The following ZNF678 variants were observed in gnomAD, a reference collection of about 807,000 sequenced individuals.
The protein encoded by ZNF678 is zinc finger protein 678.
A neutral mutation model predicts 3.0 loss-of-function variants in ZNF678; 5 were observed. The ratio of observed to expected loss-of-function variants is 1.69; its 90% confidence interval spans 0.88 to 3.56. The LOEUF (loss-of-function observed/expected upper bound fraction) is 3.56. Ranked by LOEUF, ZNF678 falls within the 30% of genes most tolerant of loss-of-function variation. The pLI is 0.00. For synonymous variants in ZNF678, 218 were observed against 199.6 expected, an observed-to-expected ratio of 1.09 and a Z score of -0.78; for missense variants, 593 against 605.0, an observed-to-expected ratio of 0.98 and a Z score of 0.21.
At chr1:227,570,278 C>T (rs963080117) in intron 1 of ZNF678, among the ~76,000 whole-genome samples, 3 of 152,100 alleles carry the variant, frequency 2.0e-5, no homozygotes, top group African/African-American at 7.2e-5. Flanking sequence ...TAGTATGATG[C>T]CCTCAGCTTT....
At chr1:227,602,768 T>C (rs1410076596) in intron 1 of ZNF678, among the ~76,000 whole-genome samples, 1 of 152,210 alleles carries the variant, frequency 6.6e-6, no homozygotes, top group Non-Finnish European at 1.5e-5. Context: ...TTAAACCAGG[T>C]GTTAACTTAA....
intron 1 of ZNF678, among the ~76,000 whole-genome samples, chr1:227,583,379 T>C (rs1657182287): frequency 7.0e-6 from 1 of 143,288 alleles, no homozygotes; most frequent in Non-Finnish European, 1.5e-5. Flanking sequence ...TGAGACAGAG[T>C]CTTGCCTTGT....
At chr1:227,601,771 G>T (rs1366891073) in intron 1 of ZNF678, among the ~76,000 whole-genome samples, 2 of 151,966 alleles carry the variant, frequency 1.3e-5, no homozygotes, top group Non-Finnish European at 2.9e-5. Context: ...CACCATGTTG[G>T]TCAGGCTGGT....
Position 227,566,567 on chromosome 1 carries a change from A to G in ZNF678, c.-164+2843A>G, listed in dbSNP as rs75720343. Among the ~76,000 whole-genome samples, 568 of 152,298 alleles carry G rather than the reference A, an allele frequency of 3.7e-3. 3 individuals are homozygous for G. The highest frequency in any genetic ancestry group is 0.013 in the African/African-American group (549 of 41,566). ...GAGGGGTGGGAGAATGTCCCAAATTATAGGATAGCCTGACTTGACGCTTGA... is the reference window on the plus strand; with the variant it reads ...GAGGGGTGGGAGAATGTCCCAAATTGTAGGATAGCCTGACTTGACGCTTGA... On this transcript the variant is annotated intron_variant, in intron 1 of 3. Coordinates refer to ENST00000343776, the MANE Select transcript of ZNF678 (RefSeq NM_001367909.1).
chr1:227,592,599 G>A (rs1456540750), intron 1 of ZNF678, among the ~76,000 whole-genome samples: 2 of 152,334 alleles, frequency 1.3e-5, no homozygotes, highest in East Asian at 3.9e-4. Context: ...AATAGATGTA[G>A]TTTATCTAAT....
At chr1:227,653,488 A>G (rs539595837) in intron 3 of ZNF678, among the ~76,000 whole-genome samples, 4 of 151,826 alleles carry the variant, frequency 2.6e-5, no homozygotes, top group African/African-American at 7.2e-5. Flanking sequence ...TTAATTTTTT[A>G]TTTATTTTGT....
At chr1:227,575,599 C>T (rs1385452264) in intron 1 of ZNF678, among the ~76,000 whole-genome samples, 2 of 152,062 alleles carry the variant, frequency 1.3e-5, no homozygotes, top group Admixed American at 6.6e-5. Flanking sequence ...ATTTTGTATC[C>T]TGAGACTTTA....
intron 1 of ZNF678, among the ~76,000 whole-genome samples, chr1:227,596,537 A>C (rs1290865422): frequency 6.6e-6 from 1 of 152,194 alleles, no homozygotes; most frequent in Non-Finnish European, 1.5e-5. Flanking sequence ...CCACACCCAG[A>C]GCCTGGTGCC....
intron 5 of ZNF678, among the ~76,000 whole-genome samples, chr1:227,669,512 G>C (rs1410070931): frequency 6.6e-6 from 1 of 151,984 alleles, no homozygotes; most frequent in East Asian, 1.9e-4. Context: ...AGCCAGGTGC[G>C]GTGGCGTGCG....
rs931339974 is a variant in ZNF678 at position 227,659,041 on chromosome 1, C to T, written c.*3213C>T. The T allele has an allele frequency of 6.6e-6, 1 of 151,862 alleles. No homozygotes were observed. The highest frequency in any genetic ancestry group is 2.4e-5 in the African/African-American group (1 of 41,378). 9.4% of individuals were successfully genotyped at this position (151,862 alleles called of 1,614,324 possible). ...AGTTTTTTATAAATTACATATAGCA[C>T]AATTTATGTGTACATGTAGAATCTT... On this transcript the variant is annotated 3_prime_UTR_variant, in exon 4 of 4. Coordinates refer to ENST00000343776, the MANE Select transcript of ZNF678 (RefSeq NM_001367909.1).
In ZNF678 at chr1:227,646,646, A is replaced by C. The variant is rs755076453; in HGVS notation, c.-61A>C. ...TTTGTATAGGGATGTGATGTTCGAG[A>C]ACTACAGAAACCTGGTCTCCCTGGG... On this transcript the variant is annotated 5_prime_UTR_variant, in exon 2 of 4. Coordinates refer to ENST00000343776, the MANE Select transcript of ZNF678 (RefSeq NM_001367909.1). The C allele has an allele frequency of 7.3e-7, 1 of 1,372,342 alleles. No homozygotes were observed. Among genetic ancestry groups the C allele is most frequent in the Non-Finnish European group, 9.8e-7 (1 of 1,024,736 alleles). 85.0% of individuals were successfully genotyped at this position (1,372,342 alleles called of 1,614,324 possible).
At position 227,655,977 on chromosome 1, in the gene ZNF678, A is replaced by G; in HGVS notation, c.*149A>G. 1.8e-6 allele frequency: 1 copy of G among 556,358 alleles called. No homozygotes were observed. Among genetic ancestry groups the G allele is most frequent in the Non-Finnish European group, 2.9e-6 (1 of 347,720 alleles). The allele number at this position is 556,358 out of a possible 1,614,324, so 34.5% of individuals were successfully genotyped here. ...AAATTTATAAATATAAAAGATTACA[A>G]TATCTTTATTTCAAAGATCTTCCTG... is the stretch of plus-strand genomic sequence containing the variant. On this transcript the variant is annotated 3_prime_UTR_variant, in exon 4 of 4. Coordinates refer to ENST00000343776, the MANE Select transcript of ZNF678 (RefSeq NM_001367909.1).
Position 227,646,676 on chromosome 1 carries a change from G to A in ZNF678, c.-37+6G>A, listed in dbSNP as rs746754459. 1.1e-5 allele frequency: 15 copies of A among 1,370,578 alleles called. No homozygotes were observed. The highest frequency in any genetic ancestry group is 1.9e-5 in the Admixed American group (1 of 52,326). The allele number at this position is 1,370,578 out of a possible 1,614,324, so 84.9% of individuals were successfully genotyped here. A position where few individuals can be genotyped will look rare whatever the true frequency, so the allele number is the denominator to read the frequency against. ...CAGAAACCTGGTCTCCCTGGGTGAG[G>A]ATAACTTCAATACACAATTTATGTA... On this transcript the variant is annotated splice_donor_region_variant and intron_variant, in intron 2 of 3. Transcript: ENST00000343776.
intron 1 of ZNF678, among the ~76,000 whole-genome samples, chr1:227,610,941 A>G (rs1658001753): frequency 6.6e-6 from 1 of 152,080 alleles, no homozygotes; most frequent in Admixed American, 6.5e-5. Flanking sequence ...GATTACCACA[A>G]CCTCATCAAT....
chr1:227,584,196 T>C (rs904840236), intron 1 of ZNF678, among the ~76,000 whole-genome samples: 1 of 152,218 alleles, frequency 6.6e-6, no homozygotes, highest in African/African-American at 2.4e-5. Flanking sequence ...GAATTATTTG[T>C]TCATTTGTCA....
intron 1 of ZNF678, among the ~76,000 whole-genome samples, chr1:227,587,831 T>C (rs1224737209): frequency 6.6e-6 from 1 of 151,880 alleles, no homozygotes; most frequent in Non-Finnish European, 1.5e-5. Flanking sequence ...TTTTTTTTTT[T>C]TTCAAGACTT....
intron 1 of ZNF678, chr1:227,599,081 G>A: frequency 6.3e-7 from 1 of 1,596,946 alleles, no homozygotes; most frequent in Non-Finnish European, 8.6e-7. Context: ...TGGCCCTGAA[G>A]ACTGGATTGG....
intron 1 of ZNF678, among the ~76,000 whole-genome samples, chr1:227,639,781 GGGT>G (rs1454534019): frequency 6.6e-6 from 1 of 152,178 alleles, no homozygotes; most frequent in African/African-American, 2.4e-5. Context: ...GCCTGAGCTA[GGGT>G]GCAGATACAG....
intron 1 of ZNF678, among the ~76,000 whole-genome samples, chr1:227,620,479 G>A (rs542564421): frequency 1.3e-4 from 20 of 152,222 alleles, no homozygotes; most frequent in African/African-American, 2.6e-4. Flanking sequence ...GTTGTTTCAC[G>A]TCTGTTTTAT....
Sources: allele counts gnomAD v4.1 joint callset (sites outside exome capture counted in the v4.1 genomes callset), GRCh38; gene constraint gnomAD v4.1.1; transcripts MANE v1.5; gene names NCBI Gene and HGNC (gene_info 2026-07-23, HGNC 2026-07-21).